CARHSP1: variants seen among roughly 807,000 people sequenced by gnomAD.
The protein encoded by CARHSP1 is calcium-regulated heat-stable protein 1.
Under a neutral mutation model 12.5 loss-of-function variants are expected in CARHSP1, and 14 were observed. The ratio of observed to expected loss-of-function variants is 1.12; its 90% CI spans 0.74 to 1.75. The LOEUF (loss-of-function observed/expected upper bound fraction) is 1.75. CARHSP1 is among the 40% of genes most tolerant of loss of function. The pLI is 0.00. For synonymous variants in CARHSP1, 161 were observed against 82.0 expected, an observed-to-expected ratio of 1.96 and a Z score of -5.20; for missense variants, 343 against 201.6, an observed-to-expected ratio of 1.70 and a Z score of -4.25.
chr16:8,861,566 A>AC (rs2061355734), intron 1 of CARHSP1: 12 of 1,248,886 alleles, frequency 9.6e-6, no homozygotes, highest in Non-Finnish European at 1.0e-5. Context: ...AAATGTCAGA[A>AC]CCCCTCCCCA....
chr16:8,855,965 C>A (rs1402759151), intron 3 of CARHSP1, among the ~76,000 whole-genome samples: 1 of 151,798 alleles, frequency 6.6e-6, no homozygotes, highest in Non-Finnish European at 1.5e-5. Flanking sequence ...ATAGGCACCA[C>A]AGCCAGCTAA....
At chr16:8,860,999 G>T (rs190059630) in intron 1 of CARHSP1, among the ~76,000 whole-genome samples, 1 of 148,266 alleles carries the variant, frequency 6.7e-6, no homozygotes, top group African/African-American at 2.5e-5. Context: ...GCAATGAGCC[G>T]AGATCACACC....
At chr16:8,857,263 GTTTTTTTTTTTTTTTTTTTTTTTTTTT>G (rs756390920) in intron 3 of CARHSP1, among the ~76,000 whole-genome samples, 4 of 57,006 alleles carry the variant, frequency 7.0e-5, no homozygotes, top group Admixed American at 5.0e-4. Flanking sequence ...GGGCAGATCT[GTTTTTTTTTTTTTTTTTTTTTTTTTTT>G]TTTTTTTTTG....
At chr16:8,858,900 C>T (rs1188802931) in intron 2 of CARHSP1, 6 of 434,598 alleles carry the variant, frequency 1.4e-5, no homozygotes, top group Non-Finnish European at 2.4e-5. Flanking sequence ...GAACCAGACT[C>T]TCATGTGTGG....
chr16:8,864,578 G>C (rs1455882918), intron 1 of CARHSP1, among the ~76,000 whole-genome samples: 2 of 152,210 alleles, frequency 1.3e-5, no homozygotes, highest in Admixed American at 6.5e-5. Context: ...GGTGAAATAC[G>C]GAGTAAGTCA....
chr16:8,859,149 C>T (rs754351719), intron 2 of CARHSP1, 22 bp downstream of exon 2: 9 of 1,572,216 alleles, frequency 5.7e-6, no homozygotes, highest in African/African-American at 4.1e-5. Context: ...GAGAACGCGT[C>T]CCCAGCCTGC....
rs748342615 is a variant in CARHSP1 at position 8,855,342 on chromosome 16, T to C, written c.282-16A>G. On this transcript the variant is annotated splice_polypyrimidine_tract_variant and intron_variant, in intron 3 of 3. Coordinates refer to ENST00000311052, the MANE Select transcript of CARHSP1 (RefSeq NM_014316.4). Reference sequence around the variant, plus strand: ...CCCTTCCACACTACGGGGGCATAAATAAAGCAGTCAGGGCTCACACCGGGA... The same window carrying C: ...CCCTTCCACACTACGGGGGCATAAACAAAGCAGTCAGGGCTCACACCGGGA... The C allele has an allele frequency of 6.6e-7, 1 of 1,522,748 alleles. No homozygotes were observed. The highest frequency in any genetic ancestry group is 8.9e-7 in the Non-Finnish European group (1 of 1,126,040). The allele number at this position is 1,522,748 out of a possible 1,614,324, so 94.3% of individuals were successfully genotyped here. A position where few individuals can be genotyped will look rare whatever the true frequency, so the allele number is the denominator to read the frequency against.
intron 2 of CARHSP1, 143 bp downstream of exon 2, chr16:8,859,028 A>T: frequency 1.4e-6 from 1 of 695,978 alleles, no homozygotes; most frequent in South Asian, 2.6e-5. Flanking sequence ...CTAGTTTCTC[A>T]CCCTCAGCCC....
chr16:8,861,805 T>C, intron 1 of CARHSP1: 1 of 1,214,880 alleles, frequency 8.2e-7, no homozygotes, highest in African/African-American at 1.6e-5. Flanking sequence ...CATAGAGTCC[T>C]AGAATGTTCA....
chr16:8,864,326 T>C (rs2061421137), intron 1 of CARHSP1, among the ~76,000 whole-genome samples: 1 of 152,072 alleles, frequency 6.6e-6, no homozygotes, highest in South Asian at 2.1e-4. Context: ...CACAGCACGC[T>C]GGGCACCTGT....
In CARHSP1 at chr16:8,861,989, C is replaced by CTTTTTTTTTTTTTTTT. The variant is rs537614451; in HGVS notation, c.-7-2670_-7-2655dup. On this transcript the variant is annotated intron_variant, in intron 1 of 3. Coordinates refer to ENST00000311052, the MANE Select transcript of CARHSP1 (RefSeq NM_014316.4). ...TTCTCCTGGAGTCAAGCATAGCTGA[C>CTTTTTTTTTTTTTTTT]TTTTTTTTTTTTTTTTTTTTTTTTT... is the stretch of plus-strand genomic sequence containing the variant. Among the ~76,000 whole-genome samples the CTTTTTTTTTTTTTTTT allele has an allele frequency of 1.5e-3, 119 of 79,796 alleles. 17 individuals are homozygous for CTTTTTTTTTTTTTTTT. Among genetic ancestry groups the CTTTTTTTTTTTTTTTT allele is most frequent in the Non-Finnish European group, 2.5e-3 (98 of 38,840 alleles). The allele number at this position is 79,796 out of a possible 152,430, so 52.3% of individuals were successfully genotyped here. A position where few individuals can be genotyped will look rare whatever the true frequency, so the allele number is the denominator to read the frequency against.
chr16:8,862,634 A>G (rs2061386424), intron 1 of CARHSP1, among the ~76,000 whole-genome samples: 1 of 152,218 alleles, frequency 6.6e-6, no homozygotes, highest in Non-Finnish European at 1.5e-5. Flanking sequence ...AGAAAGGGGT[A>G]GCCATTTGCA....
In CARHSP1 at chr16:8,859,197, G is replaced by A. The variant is rs771492723; in HGVS notation, c.132C>T (p.Pro44=). 1 of 1,603,292 alleles carries A rather than the reference G, an allele frequency of 6.2e-7. No homozygotes were observed. The highest frequency in any genetic ancestry group is 8.5e-7 in the Non-Finnish European group (1 of 1,175,486). The change falls in exon 2 of 4, where the codon CCC becomes CCT. Residue 44 remains proline, a synonymous_variant. Coordinates refer to ENST00000311052, the MANE Select transcript of CARHSP1 (RefSeq NM_014316.4). The part of the protein sequence containing the change: ...LRGNVVPSPL[P]TRRTRTFSAT... ...CCGAGAAGGTCCTCGTCCGGCGAGT[G>A]GGCAGTGGGCTTGGGACCACGTTGC... is the stretch of plus-strand genomic sequence containing the variant.
intron 3 of CARHSP1, among the ~76,000 whole-genome samples, chr16:8,857,277 T>TTG (rs2061158788): frequency 4.6e-5 from 3 of 65,878 alleles, no homozygotes; most frequent in African/African-American, 2.9e-4. Flanking sequence ...TTTTTTTTTT[T>TTG]TTTTTTTTTT....
chr16:8,860,452 T>G (rs989194406), intron 1 of CARHSP1: 2 of 985,310 alleles, frequency 2.0e-6, no homozygotes, highest in African/African-American at 1.7e-5. Context: ...TCACTGAACA[T>G]TGAATATGAA....
chr16:8,858,277 C>A (rs1596530604), intron 3 of CARHSP1, 73 bp downstream of exon 3: 3 of 1,558,862 alleles, frequency 1.9e-6, no homozygotes, highest in East Asian at 2.3e-5. Context: ...CAGAGTCACA[C>A]ACCATCCCCA....
intron 2 of CARHSP1, chr16:8,858,736 G>A (rs1043734009): frequency 3.8e-5 from 19 of 497,560 alleles, no homozygotes; most frequent in African/African-American, 2.3e-4. Context: ...AAACATCACT[G>A]AACATCCCTC....
chr16:8,858,469 C>A lies in CARHSP1; in HGVS notation c.162G>T (p.Thr54=), dbSNP rs779093455. The change falls in exon 3 of 4, where the codon ACG becomes ACT. Residue 54 remains threonine (T), a synonymous_variant. Coordinates refer to ENST00000311052, the MANE Select transcript of CARHSP1 (RefSeq NM_014316.4). ...PTRRTRTFSA[T]VRASQGPVYK... ...AGACGGGGCCCTGTGAAGCCCGCACCGTCCTGACAGAGAGGGGGAAATGTC... is the reference window on the plus strand; with the variant it reads ...AGACGGGGCCCTGTGAAGCCCGCACAGTCCTGACAGAGAGGGGGAAATGTC... The A allele has an allele frequency of 1.2e-6, 2 of 1,613,630 alleles. No individual in the cohort carries two copies. The highest frequency in any genetic ancestry group is 1.7e-6 in the Non-Finnish European group (2 of 1,179,966).
chr16:8,859,397 C>T, intron 1 of CARHSP1, 62 bp from the exon 2 acceptor site: 1 of 1,420,494 alleles, frequency 7.0e-7, no homozygotes, highest in Admixed American at 2.0e-5. Flanking sequence ...TGTGCTTACC[C>T]CCATGTCCAC....
Sources: allele counts gnomAD v4.1 joint callset (sites outside exome capture counted in the v4.1 genomes callset), GRCh38; gene constraint gnomAD v4.1.1; transcripts MANE v1.5; gene names NCBI Gene and HGNC (gene_info 2026-07-23, HGNC 2026-07-21).